APPBP2: variants seen among roughly 807,000 people sequenced by gnomAD.
APPBP2 encodes amyloid beta precursor protein binding protein 2.
A neutral mutation model predicts 76.0 loss-of-function variants in APPBP2; 15 were observed. That is an observed-to-expected ratio of 0.20 (90% CI 0.13 to 0.30). The LOEUF is 0.30. Among genes scored for constraint, APPBP2 ranks in the 10% least tolerant of loss-of-function variants. The pLI is 1.00. For missense variants in APPBP2, 401 were observed against 687.2 expected (o/e 0.58, Z 4.66); for synonymous variants, 222 against 242.2 (o/e 0.92, Z 0.77).
chr17:60,480,616 C>T (rs192727544), intron 3 of APPBP2, among the ~76,000 whole-genome samples: 4 of 152,078 alleles, frequency 2.6e-5, no homozygotes, highest in African/African-American at 7.2e-5. Context: ...GCTTCCTCAC[C>T]AAGTTGAGCA....
chr17:60,508,379 G>T (rs923645567), intron 1 of APPBP2, among the ~76,000 whole-genome samples: 1 of 151,986 alleles, frequency 6.6e-6, no homozygotes, highest in African/African-American at 2.4e-5. Context: ...ACACAGAAAG[G>T]CTGGATATAT....
intron 1 of APPBP2, among the ~76,000 whole-genome samples, chr17:60,505,676 G>GTCTTTTTTTT (rs2090861131): frequency 1.2e-5 from 1 of 85,716 alleles, no homozygotes; most frequent in African/African-American, 7.7e-5. Flanking sequence ...GACCCCTGCG[G>GTCTTTTTTTT]TTTTTTTTTT....
intron 4 of APPBP2, among the ~76,000 whole-genome samples, chr17:60,471,978 T>C (rs2090555974): frequency 6.6e-6 from 1 of 152,092 alleles, no homozygotes; most frequent in South Asian, 2.1e-4. Flanking sequence ...ATACAAAAAT[T>C]AGCCAGGTGT....
intron 1 of APPBP2, among the ~76,000 whole-genome samples, chr17:60,518,336 C>T (rs569482431): frequency 6.7e-6 from 1 of 150,128 alleles, no homozygotes; most frequent in East Asian, 2.0e-4. Flanking sequence ...CATGAGCTAC[C>T]ATGCCCAGCC....
chr17:60,505,516 G>C (rs752255193), intron 1 of APPBP2, among the ~76,000 whole-genome samples: 8 of 150,984 alleles, frequency 5.3e-5, no homozygotes, highest in East Asian at 2.0e-4. Context: ...GGGGCTTCAC[G>C]GTGTTAGCCA....
intron 3 of APPBP2, among the ~76,000 whole-genome samples, chr17:60,481,315 G>A (rs1311047049): frequency 6.6e-6 from 1 of 152,154 alleles, no homozygotes; most frequent in Non-Finnish European, 1.5e-5. Flanking sequence ...ATTAGGCCAG[G>A]TACAGTGGCT....
intron 4 of APPBP2, among the ~76,000 whole-genome samples, chr17:60,476,043 GACA>G (rs897708771): frequency 1.3e-5 from 2 of 152,204 alleles, no homozygotes; most frequent in Admixed American, 1.3e-4. Context: ...CAGGGTTATA[GACA>G]ACAATTTTCT....
At chr17:60,489,605 T>C (rs1236456939) in intron 3 of APPBP2, among the ~76,000 whole-genome samples, 2 of 123,366 alleles carry the variant, frequency 1.6e-5, no homozygotes, top group East Asian at 4.3e-4. Context: ...AGTGGGACCA[T>C]GTCTCAAAAA....
intron 2 of APPBP2, 28 bp from the exon 3 acceptor site, chr17:60,494,645 TAG>T (rs2090759168): frequency 6.5e-7 from 1 of 1,546,200 alleles, no homozygotes; most frequent in East Asian, 2.3e-5. Context: ...GATTATTTTA[TAG>T]AGTTAATTTA....
chr17:60,486,502 A>C (rs939128890), intron 3 of APPBP2, among the ~76,000 whole-genome samples: 3 of 152,100 alleles, frequency 2.0e-5, no homozygotes, highest in Non-Finnish European at 4.4e-5. Context: ...TTTATCAGAG[A>C]CTAGGATTGC....
intron 9 of APPBP2, among the ~76,000 whole-genome samples, chr17:60,457,957 T>A (rs959593972): frequency 6.7e-4 from 102 of 151,992 alleles, no homozygotes; most frequent in African/African-American, 2.4e-3. Flanking sequence ...TCAGTCTCCA[T>A]TTCCCTCCAA....
intron 1 of APPBP2, among the ~76,000 whole-genome samples, chr17:60,515,376 A>T (rs2090954499): frequency 6.6e-6 from 1 of 152,184 alleles, no homozygotes; most frequent in East Asian, 1.9e-4. Flanking sequence ...CTGGCCTTCC[A>T]AAGTGCTGGG....
intron 8 of APPBP2, chr17:60,461,077 C>T (rs1377885445): frequency 5.5e-6 from 1 of 180,656 alleles, no homozygotes; most frequent in African/African-American, 2.4e-5. Context: ...TTTCCTTCTT[C>T]AAAAGTGAAC....
chr17:60,504,160 C>G (rs766675598), intron 1 of APPBP2, among the ~76,000 whole-genome samples: 2 of 152,020 alleles, frequency 1.3e-5, no homozygotes, highest in Admixed American at 6.6e-5. Flanking sequence ...ATATTATGTA[C>G]CCGTAGCATA....
At chr17:60,521,452 C>G (rs2143508658) in intron 1 of APPBP2, among the ~76,000 whole-genome samples, 1 of 152,366 alleles carries the variant, frequency 6.6e-6, no homozygotes, top group Middle Eastern at 3.4e-3. Flanking sequence ...AAGCTCCATT[C>G]ACGGTAAGTG....
chr17:60,474,661 T>G (rs1057106227), intron 4 of APPBP2, among the ~76,000 whole-genome samples: 2 of 152,234 alleles, frequency 1.3e-5, no homozygotes, highest in Admixed American at 1.3e-4. Context: ...ATTTTTGGAT[T>G]AGGAACACTA....
chr17:60,511,729 A>C (rs1365399427), intron 1 of APPBP2, among the ~76,000 whole-genome samples: 1 of 152,226 alleles, frequency 6.6e-6, no homozygotes, highest in Admixed American at 6.5e-5. Flanking sequence ...AATGCAGGGA[A>C]TTTCAAAAAT....
intron 3 of APPBP2, among the ~76,000 whole-genome samples, chr17:60,493,633 CT>C (rs150636419): frequency 3.5e-5 from 5 of 141,682 alleles, no homozygotes; most frequent in South Asian, 2.2e-4. Flanking sequence ...CATGCCCAGC[CT>C]TTTTTTTTTC....
chr17:60,484,366 A>C (rs575962514), intron 3 of APPBP2, among the ~76,000 whole-genome samples: 70 of 152,252 alleles, frequency 4.6e-4, no homozygotes, highest in African/African-American at 1.7e-3. Context: ...ATGAGCATGG[A>C]ATGTTCTTCC....
Sources: gnomAD v4.1 joint callset for allele counts (sites outside exome capture counted in the v4.1 genomes callset) on GRCh38, gnomAD v4.1.1 for gene constraint, MANE v1.5 for transcripts, NCBI Gene and HGNC (gene_info 2026-07-23, HGNC 2026-07-21) for gene names.